The following PARP11 variants were observed in gnomAD, a reference collection of about 807,000 sequenced individuals.
The protein encoded by PARP11 is poly(ADP-ribose) polymerase family member 11.
PARP11 carries 31 observed loss-of-function variants against 42.9 expected under a neutral mutation model. The observed-to-expected ratio is 0.72, with a 90% CI of 0.54 to 0.98. The LOEUF is 0.98. Among genes scored for constraint, PARP11 ranks in the 50% least tolerant of loss-of-function variants. The probability of loss-of-function intolerance (pLI) is 0.00; values close to 1 mark genes in which losing one functional copy is unlikely to be tolerated. For synonymous variants in PARP11, 137 were observed against 127.3 expected (o/e 1.08, Z -0.51); for missense variants, 365 against 413.1 (o/e 0.88, Z 1.01).
At chr12:3,829,276 A>C (rs1947590269) in intron 2 of PARP11, among the ~76,000 whole-genome samples, 1 of 152,236 alleles carries the variant, frequency 6.6e-6, no homozygotes, top group Non-Finnish European at 1.5e-5. Flanking sequence ...ATAGAAATAT[A>C]GTTATTTTTC....
intron 1 of PARP11, among the ~76,000 whole-genome samples, chr12:3,854,614 T>G (rs1339542444): frequency 6.6e-6 from 1 of 152,030 alleles, no homozygotes; most frequent in African/African-American, 2.4e-5. Flanking sequence ...AATAGACCAG[T>G]AACAGGATCT....
In PARP11 at chr12:3,811,450, G is replaced by T. The variant is rs892068454; in HGVS notation, c.*673C>A. ...ACATTTTGCAGCAATTATCAATTCAGATGTGGGAGACAGAGGAGAATGACA... is the reference window on the plus strand; with the variant it reads ...ACATTTTGCAGCAATTATCAATTCATATGTGGGAGACAGAGGAGAATGACA... On this transcript the variant is annotated 3_prime_UTR_variant, in exon 8 of 8. Coordinates refer to ENST00000228820, the MANE Select transcript of PARP11 (RefSeq NM_020367.6). 1 of 152,238 alleles carries T rather than the reference G, an allele frequency of 6.6e-6. No individual in the cohort carries two copies. The highest frequency in any genetic ancestry group is 2.1e-4 in the South Asian group (1 of 4,834). The allele number at this position is 152,238 out of a possible 1,614,324, so 9.4% of individuals were successfully genotyped here. A position where few individuals can be genotyped will look rare whatever the true frequency, so the allele number is the denominator to read the frequency against.
chr12:3,818,915 T>G (rs1947342753), intron 6 of PARP11, among the ~76,000 whole-genome samples: 1 of 152,200 alleles, frequency 6.6e-6, no homozygotes, highest in Non-Finnish European at 1.5e-5. Flanking sequence ...CTTCCAGAAT[T>G]TGACCCTTGG....
rs563332690 is a variant in PARP11, at chr12:3,857,151, T to C, written c.18+16061A>G. ...GGGGGGTGGGGGGCTGGGGGAAGGA[T>C]AGCATTAGGAGAAATACCTAATGTA... On this transcript the variant is annotated intron_variant, in intron 1 of 7. Coordinates refer to ENST00000228820, the MANE Select transcript of PARP11 (RefSeq NM_020367.6). 7.3e-5 allele frequency among the ~76,000 whole-genome samples: 11 copies of C among 151,638 alleles called. No homozygotes were observed. The East Asian group carries it at 1.4e-3, about 19-fold the overall frequency.
chr12:3,857,833 T>C (rs1462696391), intron 1 of PARP11, among the ~76,000 whole-genome samples: 1 of 152,180 alleles, frequency 6.6e-6, no homozygotes. Context: ...ACATGTACTT[T>C]CCCCGAAATG....
intron 1 of PARP11, among the ~76,000 whole-genome samples, chr12:3,835,403 A>C (rs1947739785): frequency 6.6e-6 from 1 of 152,212 alleles, no homozygotes; most frequent in African/African-American, 2.4e-5. Flanking sequence ...TAACCAAACA[A>C]ACAACCACAA....
chr12:3,822,055 A>T (rs377410833), intron 5 of PARP11, 30 bp downstream of exon 5: 1 of 1,609,282 alleles, frequency 6.2e-7, no homozygotes, highest in African/African-American at 1.3e-5. Flanking sequence ...GGTTTCTTTC[A>T]TGGGTATATT....
chr12:3,834,793 G>A (rs1591774975), intron 1 of PARP11, among the ~76,000 whole-genome samples: 1 of 118,638 alleles, frequency 8.4e-6, no homozygotes, highest in South Asian at 2.9e-4. Context: ...AGATCAGAGA[G>A]GAGTCAGAAA....
intron 6 of PARP11, among the ~76,000 whole-genome samples, chr12:3,819,920 C>T (rs188944656): frequency 9.9e-5 from 15 of 152,284 alleles, no homozygotes; most frequent in South Asian, 2.1e-4. Flanking sequence ...CAATTTTCTG[C>T]GCTCCCTCTT....
At position 3,840,886 on chromosome 12, in the gene PARP11, C is replaced by T; in HGVS notation, c.19-10868G>A. The T allele has an allele frequency of 1.9e-6, 3 of 1,600,398 alleles. No homozygotes were observed. Among genetic ancestry groups the T allele is most frequent in the Non-Finnish European group, 2.6e-6 (3 of 1,167,440 alleles). On this transcript the variant is annotated intron_variant, in intron 1 of 7. Coordinates refer to ENST00000228820, the MANE Select transcript of PARP11 (RefSeq NM_020367.6). The surrounding 1 kb of genome is among the most constrained non-coding windows in gnomAD (Gnocchi z 4.4). ...AGCAGAACATGTGTCTTTGTCAAATCCAGCTCCCCTTCTAGTTTCTCCAGA... is the reference window on the plus strand; with the variant it reads ...AGCAGAACATGTGTCTTTGTCAAATTCAGCTCCCCTTCTAGTTTCTCCAGA...
chr12:3,831,285 A>G (rs1304786881), intron 1 of PARP11, among the ~76,000 whole-genome samples: 1 of 152,120 alleles, frequency 6.6e-6, no homozygotes, highest in Non-Finnish European at 1.5e-5. Context: ...GTGTATAATT[A>G]TACACACATA....
At chr12:3,816,220 T>C (rs1947285204) in intron 6 of PARP11, among the ~76,000 whole-genome samples, 1 of 152,172 alleles carries the variant, frequency 6.6e-6, no homozygotes, top group South Asian at 2.1e-4. Flanking sequence ...AAGAAGATAA[T>C]ACTTGTTTTT....
chr12:3,825,813 G>A (rs1460254483), intron 4 of PARP11, among the ~76,000 whole-genome samples: 3 of 152,016 alleles, frequency 2.0e-5, no homozygotes, highest in African/African-American at 7.2e-5. Context: ...TTCAAGCTCC[G>A]CCTCACGGGT....
chr12:3,847,139 C>G (rs773803061), intron 1 of PARP11, among the ~76,000 whole-genome samples: 2 of 152,016 alleles, frequency 1.3e-5, no homozygotes, highest in Non-Finnish European at 2.9e-5. Context: ...GAAAATTAAA[C>G]CTAAGCAAAC....
chr12:3,827,221 T>C (rs545395821), intron 3 of PARP11, among the ~76,000 whole-genome samples: 1 of 152,332 alleles, frequency 6.6e-6, no homozygotes, highest in South Asian at 2.1e-4. Flanking sequence ...AAAGAGTACA[T>C]GTGAAATGCT....
At position 3,811,962 on chromosome 12, in the gene PARP11, C is replaced by A. The variant is rs1372069940; in HGVS notation, c.*161G>T. ...CAGGCAAAAACAAAACAACAAAAAC[C>A]AACCTTGAAGTCAGTATGTCTTTTT... On this transcript the variant is annotated 3_prime_UTR_variant, in exon 8 of 8. Coordinates refer to ENST00000228820, the MANE Select transcript of PARP11 (RefSeq NM_020367.6). 1 of 551,410 alleles carries A rather than the reference C, an allele frequency of 1.8e-6. No homozygotes were observed. Among genetic ancestry groups the A allele is most frequent in the Non-Finnish European group, 3.1e-6 (1 of 320,962 alleles). 34.2% of individuals were successfully genotyped at this position (551,410 alleles called of 1,614,324 possible).
chr12:3,834,512 T>C (rs1947716563), intron 1 of PARP11, among the ~76,000 whole-genome samples: 1 of 151,160 alleles, frequency 6.6e-6, no homozygotes, highest in Non-Finnish European at 1.5e-5. Context: ...CGTGCACCTG[T>C]AGTTCCAGCT....
chr12:3,812,127 TG>T lies in PARP11; in HGVS notation c.1012del (p.His338IlefsTer31). 6.3e-7 allele frequency: 1 copy of T among 1,588,048 alleles called. No homozygotes were observed. The highest frequency in any genetic ancestry group is 8.6e-7 in the Non-Finnish European group (1 of 1,167,232). ...CACCGAGATTTGGAAGTGAAATCAATGAAAGTCTATCAAGTACTCAGGATAG... is the reference window on the plus strand; with the variant it reads ...CACCGAGATTTGGAAGTGAAATCAATAAAGTCTATCAAGTACTCAGGATAG... ...QIYPEYLIDF[H>X] On this transcript the variant is annotated frameshift_variant, in exon 8 of 8. Transcript: ENST00000228820. LOFTEE classifies it high-confidence loss of function.
chr12:3,839,666 A>C, intron 1 of PARP11: 1 of 965,890 alleles, frequency 1.0e-6, no homozygotes. Context: ...ACTAATCTGG[A>C]ACCTAATGTT....
Sources: gnomAD v4.1 joint callset for allele counts (sites outside exome capture counted in the v4.1 genomes callset) on GRCh38, gnomAD v4.1.1 for gene constraint, Gnocchi (gnomAD v3.1) non-coding constraint, MANE v1.5 for transcripts, NCBI Gene and HGNC (gene_info 2026-07-23, HGNC 2026-07-21) for gene names.